The following RAB3GAP1 variants were observed in gnomAD, a reference collection of about 807,000 sequenced individuals.
RAB3GAP1 encodes the protein rab3 GTPase-activating protein catalytic subunit.
RAB3GAP1 carries 86 observed loss-of-function variants against 130.7 expected under a neutral mutation model. That is an observed-to-expected ratio of 0.66 (90% CI 0.55 to 0.79). The LOEUF (loss-of-function observed/expected upper bound fraction) is 0.79, where lower values mean the gene tolerates loss of function less well. Among genes scored for constraint, RAB3GAP1 ranks in the 30% least tolerant of loss-of-function variants. RAB3GAP1 has a pLI of 0.00. For synonymous variants in RAB3GAP1, 367 were observed against 401.7 expected (o/e 0.91, Z 1.03); for missense variants, 1,029 against 1,169.4 (o/e 0.88, Z 1.75).
intron 5 of RAB3GAP1, among the ~76,000 whole-genome samples, chr2:135,107,278 G>A (rs1039774736): frequency 1.3e-5 from 2 of 151,750 alleles, no homozygotes; most frequent in Non-Finnish European, 2.9e-5. Flanking sequence ...AGAATGAAGA[G>A]CATTGGAAAT....
At chr2:135,097,093 G>GT (rs1248105442) in intron 5 of RAB3GAP1, among the ~76,000 whole-genome samples, 3 of 151,522 alleles carry the variant, frequency 2.0e-5, no homozygotes, top group Admixed American at 6.6e-5. Context: ...ACTTTATATA[G>GT]TTTTTTACTA....
intron 17 of RAB3GAP1, among the ~76,000 whole-genome samples, chr2:135,141,844 T>C (rs183023179): frequency 8.1e-4 from 123 of 152,274 alleles, no homozygotes; most frequent in South Asian, 1.0e-3. Context: ...ATATCTTTGA[T>C]GTAAATCAAG....
downstream of RAB3GAP1, among the ~76,000 whole-genome samples, chr2:135,171,112 C>T (rs1692839287): frequency 6.6e-6 from 1 of 151,614 alleles, no homozygotes; most frequent in African/African-American, 2.4e-5. Context: ...AGCAGAGGAA[C>T]GGAATGGGCA....
intron 5 of RAB3GAP1, among the ~76,000 whole-genome samples, chr2:135,097,232 T>TA (rs1690324713): frequency 6.6e-6 from 1 of 150,760 alleles, no homozygotes; most frequent in African/African-American, 2.4e-5. Flanking sequence ...TTTTTTTTTT[T>TA]AAAGAGACAG....
chr2:135,147,621 C>CT (rs1209277012), intron 17 of RAB3GAP1, among the ~76,000 whole-genome samples: 1 of 147,816 alleles, frequency 6.8e-6, no homozygotes, highest in Admixed American at 6.8e-5. Flanking sequence ...CCCCTCCCCC[C>CT]CCCTTTTTTT....
At chr2:135,079,508 G>T (rs1307920696) in intron 3 of RAB3GAP1, among the ~76,000 whole-genome samples, 1 of 152,150 alleles carries the variant, frequency 6.6e-6, no homozygotes, top group East Asian at 1.9e-4. Flanking sequence ...CCATGGTCAG[G>T]TCTCTAATTT....
intron 5 of RAB3GAP1, among the ~76,000 whole-genome samples, chr2:135,108,201 A>G (rs1274637118): frequency 6.6e-6 from 1 of 152,128 alleles, no homozygotes; most frequent in African/African-American, 2.4e-5. Flanking sequence ...AAGCACATTT[A>G]TATTTAAATA....
chr2:135,094,488 T>C (rs1690235343), intron 5 of RAB3GAP1, among the ~76,000 whole-genome samples: 1 of 152,206 alleles, frequency 6.6e-6, no homozygotes, highest in African/African-American at 2.4e-5. Context: ...GATCTTACTT[T>C]TTCTATCCAA....
rs140578891 is a variant in RAB3GAP1, at chr2:135,135,684, G to C, written c.1675G>C (p.Asp559His). 31 of 1,613,996 alleles carry C rather than the reference G, an allele frequency of 1.9e-5. No individual in the cohort carries two copies. The highest frequency in any genetic ancestry group is 2.7e-5 in the African/African-American group (2 of 74,924). ...AGKAGDQLVP[D>H]NLKETDKEKG... ...AAAAGCAGGAGACCAGTTGGTGCCA[G>C]ATAATCTAAAAGAAACAGATAAGGA... The change falls in exon 17 of 24, where the codon GAT becomes CAT. Residue 559 changes from aspartate (D) to histidine (H), a missense_variant. By Grantham distance (81) the Asp-to-His change is moderately conservative. This residue lies in a region of RAB3GAP1 where 373 missense variants were observed against 493.6 expected (regional missense o/e 0.76). Coordinates refer to ENST00000264158, the MANE Select transcript of RAB3GAP1 (RefSeq NM_012233.3).
At chr2:135,129,086 A>C (rs1277470892) in intron 11 of RAB3GAP1, among the ~76,000 whole-genome samples, 7 of 152,192 alleles carry the variant, frequency 4.6e-5, no homozygotes, top group African/African-American at 7.2e-5. Flanking sequence ...TAGGAGGTCA[A>C]GGCTGCAGTG....
rs752556504 is a variant in RAB3GAP1 at position 135,074,080 on chromosome 2, A to G, written c.150+15994A>G. 5.9e-5 allele frequency among the ~76,000 whole-genome samples: 9 copies of G among 152,204 alleles called. No homozygotes were observed. In the South Asian group the frequency reaches 6.2e-4, roughly 11 times the overall value. The stretch of plus-strand genomic sequence containing the variant: ...TGAAAGACCCCAGGTTAGTCTAGGT[A>G]CGAATTGTGCTGGGTGCTCAATCCA... On this transcript the variant is annotated intron_variant, in intron 3 of 23. Coordinates refer to ENST00000264158, the MANE Select transcript of RAB3GAP1 (RefSeq NM_012233.3).
At chr2:135,175,813 G>A (rs750722071) in intron 24 of RAB3GAP1, among the ~76,000 whole-genome samples, 3 of 152,158 alleles carry the variant, frequency 2.0e-5, no homozygotes, top group African/African-American at 7.2e-5. Context: ...TTTCAAATTC[G>A]AACTCTATCA....
In RAB3GAP1 at chr2:135,071,947, T is replaced by C. The variant is rs1689487069; in HGVS notation, c.150+13861T>C. On this transcript the variant is annotated intron_variant, in intron 3 of 23. Coordinates refer to ENST00000264158, the MANE Select transcript of RAB3GAP1 (RefSeq NM_012233.3). ...CTTTCTTTTTGAAATGAGTCTCGCT[T>C]TGTCGCCCAGGCTGGAATCTAGTAG... Among the ~76,000 whole-genome samples, 3 of 152,208 alleles carry C rather than the reference T, an allele frequency of 2.0e-5. No homozygotes were observed. In the South Asian group the frequency reaches 6.2e-4, roughly 31 times the overall value.
At chr2:135,155,132 A>G (rs1461214223) in intron 19 of RAB3GAP1, among the ~76,000 whole-genome samples, 1 of 152,182 alleles carries the variant, frequency 6.6e-6, no homozygotes, top group East Asian at 1.9e-4. Flanking sequence ...TGAAAAAACC[A>G]TGTTTAATCA....
chr2:135,113,742 A>ATT (rs772819416), intron 6 of RAB3GAP1, among the ~76,000 whole-genome samples: 1 of 144,816 alleles, frequency 6.9e-6, no homozygotes. Context: ...CTCAAATAAA[A>ATT]TTTTTTTTTT....
chr2:135,137,538 A>C (rs193023331), intron 17 of RAB3GAP1, among the ~76,000 whole-genome samples: 40 of 152,340 alleles, frequency 2.6e-4, no homozygotes, highest in Non-Finnish European at 5.6e-4. Context: ...GGCTAACTTG[A>C]AGATAAATCT....
intron 2 of RAB3GAP1, among the ~76,000 whole-genome samples, chr2:135,054,417 T>A (rs1165834316): frequency 1.3e-5 from 2 of 152,178 alleles, no homozygotes; most frequent in Admixed American, 6.5e-5. Context: ...GATTCATAAT[T>A]AGGATGGTGA....
chr2:135,110,193 G>GT (rs1174536942), intron 5 of RAB3GAP1, among the ~76,000 whole-genome samples: 1 of 151,836 alleles, frequency 6.6e-6, no homozygotes, highest in Non-Finnish European at 1.5e-5. Context: ...GAGTGCAGTG[G>GT]TGTGATGATG....
At chr2:135,081,327 A>AAAAATATATAT (rs1363481112) in intron 3 of RAB3GAP1, among the ~76,000 whole-genome samples, 4 of 64,050 alleles carry the variant, frequency 6.2e-5, no homozygotes, top group Admixed American at 2.8e-4. Flanking sequence ...AAAAAAAAAA[A>AAAAATATATAT]ATATATATAT....
Sources: allele counts gnomAD v4.1 joint callset (sites outside exome capture counted in the v4.1 genomes callset), GRCh38; gene constraint gnomAD v4.1.1; regional missense constraint gnomAD v4.1.1; transcripts MANE v1.5; gene names NCBI Gene and HGNC (gene_info 2026-07-23, HGNC 2026-07-21).